The following DGKI variants were observed in gnomAD, a reference collection of about 807,000 sequenced individuals.
DGKI encodes the protein diacylglycerol kinase iota.
In DGKI, 55 loss-of-function variants were observed where a neutral mutation model predicts 147.5. The ratio of observed to expected loss-of-function variants is 0.37; its 90% CI spans 0.30 to 0.47. DGKI has a LOEUF of 0.47. Ranked by LOEUF, DGKI falls within the 20% of genes least tolerant of loss-of-function variation. The probability of loss-of-function intolerance (pLI) is 1.00; values close to 1 mark genes in which losing one functional copy is unlikely to be tolerated. For missense variants in DGKI, 1,007 were observed against 1,323.8 expected (o/e 0.76, Z 3.71); for synonymous variants, 469 against 477.1 (o/e 0.98, Z 0.22).
intron 2 of DGKI, among the ~76,000 whole-genome samples, chr7:137,685,682 G>A (rs941120154): frequency 1.3e-5 from 2 of 152,142 alleles, no homozygotes; most frequent in African/African-American, 2.4e-5. Context: ...TTGGCTGACA[G>A]GCATCATCCA....
chr7:137,704,918 T>A (rs374696795), intron 1 of DGKI, among the ~76,000 whole-genome samples: 252 of 152,316 alleles, frequency 1.7e-3, no homozygotes, highest in African/African-American at 5.8e-3. Context: ...AAGAATTTTA[T>A]ATCCAGCATG....
At chr7:137,396,090 G>C (rs1811541101) in intron 31 of DGKI, 2 of 165,748 alleles carry the variant, frequency 1.2e-5, no homozygotes, top group Non-Finnish European at 2.6e-5. Context: ...AAAGAACAGG[G>C]AGCAGTGTGG....
intron 1 of DGKI, among the ~76,000 whole-genome samples, chr7:137,818,317 C>G (rs1488959776): frequency 6.6e-6 from 1 of 152,196 alleles, no homozygotes; most frequent in Admixed American, 6.5e-5. Context: ...ATCAACCACA[C>G]AAGTGCACTC....
rs372390366 is a variant in DGKI at position 137,523,434 on chromosome 7, T to TTCTCTC, written c.2148-1474_2148-1469dup. On this transcript the variant is annotated intron_variant, in intron 20 of 32. Transcript: ENST00000614521. ...CACACATGGTGCATTCTCTCTCTCTTTCTCTCTCTCTCTCTCTCACACACA... is the reference window on the plus strand; with the variant it reads ...CACACATGGTGCATTCTCTCTCTCTTTCTCTCTCTCTCTCTCTCTCTCTCACACACA... 2.3e-3 allele frequency among the ~76,000 whole-genome samples: 346 copies of TTCTCTC among 150,178 alleles called. 1 individual carries two copies. The highest frequency in any genetic ancestry group is 7.9e-3 in the African/African-American group (324 of 41,060).
intron 1 of DGKI, among the ~76,000 whole-genome samples, chr7:137,831,622 A>C (rs1346983661): frequency 6.6e-6 from 1 of 152,192 alleles, no homozygotes; most frequent in Non-Finnish European, 1.5e-5. Context: ...TGGGAGTACA[A>C]TTCAAGATGA....
chr7:137,432,345 T>C (rs540037839), intron 28 of DGKI, among the ~76,000 whole-genome samples: 26 of 152,268 alleles, frequency 1.7e-4, no homozygotes, highest in African/African-American at 5.8e-4. Context: ...TAGAGAACAA[T>C]AGGCTTTAAT....
intron 6 of DGKI, among the ~76,000 whole-genome samples, chr7:137,638,414 T>A (rs1307915929): frequency 2.2e-5 from 3 of 137,906 alleles, no homozygotes; most frequent in African/African-American, 8.2e-5. Context: ...CAGTCTCTTA[T>A]CTGGCAAGAA....
chr7:137,841,773 A>T (rs964324047), intron 1 of DGKI, among the ~76,000 whole-genome samples: 1 of 152,198 alleles, frequency 6.6e-6, no homozygotes, highest in Non-Finnish European at 1.5e-5. Context: ...TCATTTCCTC[A>T]GACTAGAAAG....
At chr7:137,809,836 C>T (rs1209484364) in intron 1 of DGKI, among the ~76,000 whole-genome samples, 2 of 151,386 alleles carry the variant, frequency 1.3e-5, no homozygotes, top group Non-Finnish European at 2.9e-5. Context: ...CTGAGGAGGT[C>T]GAGGCTGCAG....
intron 1 of DGKI, among the ~76,000 whole-genome samples, chr7:137,816,285 T>C (rs1255468105): frequency 6.6e-6 from 1 of 152,220 alleles, no homozygotes; most frequent in Admixed American, 6.5e-5. Context: ...TCTTGAACAC[T>C]GCCCCTTGCT....
intron 28 of DGKI, among the ~76,000 whole-genome samples, chr7:137,418,745 AT>A (rs1812451493): frequency 1.3e-5 from 2 of 152,254 alleles, no homozygotes; most frequent in South Asian, 4.1e-4. Flanking sequence ...GAAGAAAAAA[AT>A]AAAAGTAAAT....
intron 1 of DGKI, among the ~76,000 whole-genome samples, chr7:137,725,916 T>C (rs1359747142): frequency 6.6e-6 from 1 of 152,216 alleles, no homozygotes; most frequent in Non-Finnish European, 1.5e-5. Context: ...TATTTTCAGA[T>C]ACATCAGCTC....
At chr7:137,471,848 G>C (rs995913425) in intron 23 of DGKI, among the ~76,000 whole-genome samples, 1 of 146,604 alleles carries the variant, frequency 6.8e-6, no homozygotes. Flanking sequence ...TATAGCTATG[G>C]ATACAGAGAT....
chr7:137,501,547 T>C (rs1212793261), intron 21 of DGKI, among the ~76,000 whole-genome samples: 2 of 152,164 alleles, frequency 1.3e-5, no homozygotes, highest in Non-Finnish European at 2.9e-5. Flanking sequence ...GACAGTCAAA[T>C]AATTTCCTCA....
At chr7:137,392,429 G>T (rs1490961910) in intron 32 of DGKI, among the ~76,000 whole-genome samples, 1 of 152,176 alleles carries the variant, frequency 6.6e-6, no homozygotes, top group Non-Finnish European at 1.5e-5. Flanking sequence ...GTAGAGGCAT[G>T]ATCATTGTAC....
intron 21 of DGKI, among the ~76,000 whole-genome samples, chr7:137,517,389 G>C (rs1277901305): frequency 7.3e-6 from 1 of 137,168 alleles, no homozygotes; most frequent in Non-Finnish European, 1.6e-5. Context: ...GGGCGGGAGG[G>C]AGGGAGAAAG....
At chr7:137,667,209 A>G (rs1822670156) in intron 3 of DGKI, among the ~76,000 whole-genome samples, 1 of 152,316 alleles carries the variant, frequency 6.6e-6, no homozygotes, top group Admixed American at 6.5e-5. Context: ...GCAAATATGG[A>G]TATAAATATA....
chr7:137,606,361 G>T (rs1008502406), intron 10 of DGKI, among the ~76,000 whole-genome samples: 1 of 151,912 alleles, frequency 6.6e-6, no homozygotes, highest in African/African-American at 2.4e-5. Flanking sequence ...AAGACAGAAG[G>T]AGATAGGAAT....
chr7:137,514,234 G>T (rs1302740642), intron 21 of DGKI, among the ~76,000 whole-genome samples: 1 of 151,908 alleles, frequency 6.6e-6, no homozygotes, highest in African/African-American at 2.4e-5. Context: ...TTTAGCTGAA[G>T]AATTAAAAAA....
Sources: gnomAD v4.1 joint callset for allele counts (sites outside exome capture counted in the v4.1 genomes callset) on GRCh38, gnomAD v4.1.1 for gene constraint, MANE v1.5 for transcripts, NCBI Gene and HGNC (gene_info 2026-07-23, HGNC 2026-07-21) for gene names.